Variants in MGAT5B observed in about 807,000 individuals in gnomAD.
MGAT5B encodes alpha-1,6-mannosylglycoprotein 6-beta-N-acetylglucosaminyltransferase B, also known as N-acetylglucosaminyl-transferase Vb.
MGAT5B carries 54 observed loss-of-function variants against 95.1 expected under a neutral mutation model. The observed-to-expected ratio is 0.57, with a 90% confidence interval of 0.46 to 0.71. MGAT5B has a LOEUF of 0.71. Ranked by LOEUF, MGAT5B falls within the 30% of genes least tolerant of loss-of-function variation. The pLI, the probability that MGAT5B is intolerant of heterozygous loss-of-function variation, is 0.00. For synonymous variants in MGAT5B, 464 were observed against 451.0 expected (o/e 1.03, Z -0.36); for missense variants, 935 against 1,088.6 (o/e 0.86, Z 1.99).
intron 3 of MGAT5B, among the ~76,000 whole-genome samples, chr17:76,888,375 C>T (rs80106169): frequency 0.01 from 1,543 of 152,226 alleles, 29 homozygotes; most frequent in African/African-American, 0.035. Context: ...GAGGATCCGT[C>T]TCCCCTGCTC....
intron 12 of MGAT5B, among the ~76,000 whole-genome samples, chr17:76,934,543 T>G (rs571597559): frequency 5.3e-5 from 8 of 152,224 alleles, no homozygotes; most frequent in African/African-American, 1.9e-4. Context: ...AGGCTCCCCA[T>G]GCCGATTGCC....
chr17:76,897,728 T>TCTTC lies in MGAT5B; in HGVS notation c.330-4827_330-4826insCTTC, dbSNP rs71158082. Among the ~76,000 whole-genome samples, 3 of 58,716 alleles carry TCTTC rather than the reference T, an allele frequency of 5.1e-5. No individual in the cohort carries two copies. In the East Asian group the frequency reaches 2.2e-3, roughly 43 times the overall value. The allele number at this position is 58,716 out of a possible 152,430, so 38.5% of individuals were successfully genotyped here. A position where few individuals can be genotyped will look rare whatever the true frequency, so the allele number is the denominator to read the frequency against. ...TTCTTTCTTTCTTTCTTTCTTTCTT[T>TCTTC]TTCTTTTTTTTTTTTTTTTTTGGTT... is the stretch of plus-strand genomic sequence containing the variant. On this transcript the variant is annotated intron_variant, in intron 3 of 17. Transcript: ENST00000569840.
chr17:76,870,170 C>T lies in MGAT5B; in HGVS notation c.68+1073C>T, dbSNP rs889519972. Among the ~76,000 whole-genome samples the T allele has an allele frequency of 6.6e-6, 1 of 152,224 alleles. No homozygotes were observed. The highest frequency in any genetic ancestry group is 2.4e-5 in the African/African-American group (1 of 41,456). On this transcript the variant is annotated intron_variant, in intron 1 of 17. Coordinates refer to ENST00000569840, the MANE Select transcript of MGAT5B (RefSeq NM_001199172.2). The surrounding 1 kb of genome is among the most constrained non-coding windows in gnomAD (Gnocchi z 5.0). ...CTCGGCCCAGCCCCACTGTGGTCCC[C>T]CTGCCGGCTCCAGACGGGGATGGGG...
In MGAT5B at chr17:76,940,755, G is replaced by A. The variant is rs187745988; in HGVS notation, c.1755G>A (p.Ala585=). 1.9e-5 allele frequency: 30 copies of A among 1,614,092 alleles called. No individual in the cohort carries two copies. The Middle Eastern group carries it at 5.0e-4, about 27-fold the overall frequency. Residue 585 remains alanine, a synonymous_variant, in exon 15 of 18, where the codon GCG becomes GCA. Transcript: ENST00000569840. This position sits in a 1 kb window ranked among gnomAD's most constrained non-coding sequence, Gnocchi z 4.3. The part of the protein sequence containing the change: ...SREVFSQHPY[A]ENFIGKPHVW... ...AGGTGTTCTCCCAGCATCCCTACGCGGAGAACTTCATCGGCAAGCCCCACG... is the reference window on the plus strand; with the variant it reads ...AGGTGTTCTCCCAGCATCCCTACGCAGAGAACTTCATCGGCAAGCCCCACG...
rs374827921 is a variant in MGAT5B at position 76,902,520 on chromosome 17, G to A, written c.330-35G>A. The A allele has an allele frequency of 9.2e-5, 138 of 1,505,718 alleles. No homozygotes were observed. The African/African-American group carries it at 1.2e-3, about 13-fold the overall frequency. 93.3% of individuals were successfully genotyped at this position (1,505,718 alleles called of 1,614,324 possible). A position where few individuals can be genotyped will look rare whatever the true frequency, so the allele number is the denominator to read the frequency against. On this transcript the variant is annotated intron_variant, in intron 3 of 17. Coordinates refer to ENST00000569840, the MANE Select transcript of MGAT5B (RefSeq NM_001199172.2). ...CCCTCATGGGAAGGTCACCCCGGCCGGTTCTGTGGCTCACCTCTGGCTTTT... is the reference window on the plus strand; with the variant it reads ...CCCTCATGGGAAGGTCACCCCGGCCAGTTCTGTGGCTCACCTCTGGCTTTT...
Position 76,932,768 on chromosome 17 carries a change from T to TCTGGAAGGTGAGCGCGGCCC in MGAT5B, c.1419_1422+16dup. On this transcript the variant is annotated frameshift_variant, in exon 11 of 18. Transcript: ENST00000569840. LOFTEE classifies it high-confidence loss of function. ...GTGGTGTACGGCAAGGAGGCGAGCA[T>TCTGGAAGGTGAGCGCGGCCC]CTGGAAGGTGAGCGCGGCCCCTGCG... The TCTGGAAGGTGAGCGCGGCCC allele has an allele frequency of 6.2e-7, 1 of 1,613,558 alleles. No individual in the cohort carries two copies. The highest frequency in any genetic ancestry group is 1.1e-5 in the South Asian group (1 of 91,076).
intron 12 of MGAT5B, among the ~76,000 whole-genome samples, chr17:76,933,665 C>T (rs923745648): frequency 6.6e-6 from 1 of 152,218 alleles, no homozygotes; most frequent in Non-Finnish European, 1.5e-5. Context: ...TATCCTACAT[C>T]AGGCCTGTTA....
chr17:76,873,134 G>A (rs1392435753), intron 2 of MGAT5B, among the ~76,000 whole-genome samples, 171 bp downstream of exon 2: 1 of 152,240 alleles, frequency 6.6e-6, no homozygotes, highest in Admixed American at 6.5e-5. Flanking sequence ...TTTGGCTCTG[G>A]TCTGGCTGTG....
rs1453047384 is a variant in MGAT5B at position 76,940,892 on chromosome 17, C to G, written c.1848+44C>G. The G allele has an allele frequency of 2.7e-6, 4 of 1,483,314 alleles. No individual in the cohort carries two copies. The highest frequency in any genetic ancestry group is 1.1e-5 in the South Asian group (1 of 88,290). 91.9% of individuals were successfully genotyped at this position (1,483,314 alleles called of 1,614,324 possible). ...AGTTGAGACCCCCCACTAGTCCACA[C>G]TGCTGGTCTTCACTCTGATTAGAAA... On this transcript the variant is annotated intron_variant, in intron 15 of 17. Coordinates refer to ENST00000569840, the MANE Select transcript of MGAT5B (RefSeq NM_001199172.2). This position sits in a 1 kb window ranked among gnomAD's most constrained non-coding sequence, Gnocchi z 4.3.
intron 2 of MGAT5B, among the ~76,000 whole-genome samples, chr17:76,874,574 C>T (rs1568160837): frequency 6.6e-6 from 1 of 151,870 alleles, no homozygotes; most frequent in Non-Finnish European, 1.5e-5. Context: ...GCTACAGAGG[C>T]CTTGAGGAAG....
chr17:76,894,005 G>A (rs1242159374), intron 3 of MGAT5B, among the ~76,000 whole-genome samples: 5 of 152,188 alleles, frequency 3.3e-5, no homozygotes, highest in Admixed American at 1.3e-4. Flanking sequence ...GCAACCCAGC[G>A]TGTCTCAGGG....
At chr17:76,894,441 G>C (rs1373022566) in intron 3 of MGAT5B, among the ~76,000 whole-genome samples, 1 of 152,222 alleles carries the variant, frequency 6.6e-6, no homozygotes, top group Non-Finnish European at 1.5e-5. Context: ...AGTGCTCAAT[G>C]CCTGTTGGCT....
Position 76,889,772 on chromosome 17 carries a change from G to A in MGAT5B, c.329+7474G>A, listed in dbSNP as rs1420494610. ...TCCAGGTCTGATCCAGGCCTGCACTGTTGTCACAGCCCCACGGTGCCGAGA... is the reference window on the plus strand; with the variant it reads ...TCCAGGTCTGATCCAGGCCTGCACTATTGTCACAGCCCCACGGTGCCGAGA... On this transcript the variant is annotated intron_variant, in intron 3 of 17. Coordinates refer to ENST00000569840, the MANE Select transcript of MGAT5B (RefSeq NM_001199172.2). The surrounding 1 kb of genome is among the most constrained non-coding windows in gnomAD (Gnocchi z 4.4). Among the ~76,000 whole-genome samples, 39 of 152,200 alleles carry A rather than the reference G, an allele frequency of 2.6e-4. No individual in the cohort carries two copies. The highest frequency in any genetic ancestry group is 2.5e-3 in the Admixed American group (38 of 15,274).
In MGAT5B at chr17:76,940,411, G is replaced by A; in HGVS notation, c.1594G>A (p.Gly532Arg). ...CCCCTTGACTCTGCAGCTCTTCATC[G>A]GGTTTGGCTTCCCCTACGAGGGCCC... ...QLLRKAKLFI[G>R]FGFPYEGPAP... is the part of the protein sequence containing the mutation. The change falls in exon 14 of 18, where the codon GGG becomes AGG. Residue 532 changes from glycine to arginine, a missense_variant. Coordinates refer to ENST00000569840, the MANE Select transcript of MGAT5B (RefSeq NM_001199172.2). The surrounding 1 kb of genome is among the most constrained non-coding windows in gnomAD (Gnocchi z 4.3). The A allele has an allele frequency of 1.9e-6, 3 of 1,604,356 alleles. No individual in the cohort carries two copies. The highest frequency in any genetic ancestry group is 2.6e-6 in the Non-Finnish European group (3 of 1,174,724).
intron 9 of MGAT5B, among the ~76,000 whole-genome samples, chr17:76,925,758 C>G (rs1969293337): frequency 6.6e-6 from 1 of 152,222 alleles, no homozygotes; most frequent in Non-Finnish European, 1.5e-5. Context: ...GTGCCAACCT[C>G]AGCACTCTGC....
intron 15 of MGAT5B, 80 bp from the exon 16 acceptor site, chr17:76,946,296 C>A: frequency 8.0e-7 from 1 of 1,247,464 alleles, no homozygotes; most frequent in South Asian, 1.4e-5. Context: ...ACCAGACCTC[C>A]ACCCCCAATG....
At position 76,930,499 on chromosome 17, in the gene MGAT5B, G is replaced by A. The variant is rs574129010; in HGVS notation, c.1292-2146G>A. Among the ~76,000 whole-genome samples, 11 of 152,314 alleles carry A rather than the reference G, an allele frequency of 7.2e-5. No homozygotes were observed. In the East Asian group the frequency reaches 2.1e-3, roughly 29 times the overall value. On this transcript the variant is annotated intron_variant, in intron 10 of 17. Transcript: ENST00000569840. This position sits in a 1 kb window ranked among gnomAD's most constrained non-coding sequence, Gnocchi z 4.1. ...ACTCACCATAGCCCCTTCCGTGCGG[G>A]AAGGTAGATTAAATATCCTTGGACT...
intron 16 of MGAT5B, 110 bp from the exon 17 acceptor site, chr17:76,947,720 G>A: frequency 2.8e-6 from 4 of 1,412,690 alleles, no homozygotes; most frequent in Non-Finnish European, 3.7e-6. Flanking sequence ...TATTCAGTAA[G>A]CGCCCAGTAG....
intron 17 of MGAT5B, 127 bp downstream of exon 17, chr17:76,948,213 T>A: frequency 7.0e-7 from 1 of 1,435,194 alleles, no homozygotes; most frequent in South Asian, 1.5e-5. Flanking sequence ...TGCTTTCCAA[T>A]GAGTCAGGAA....
Sources: allele counts gnomAD v4.1 joint callset (sites outside exome capture counted in the v4.1 genomes callset), GRCh38; gene constraint gnomAD v4.1.1; non-coding constraint Gnocchi (gnomAD v3.1); transcripts MANE v1.5; gene names NCBI Gene and HGNC (gene_info 2026-07-23, HGNC 2026-07-21).